The following INPP4A variants were observed in gnomAD, a reference collection of about 807,000 sequenced individuals.
The protein encoded by INPP4A is inositol polyphosphate-4-phosphatase, type I, 107kD.
INPP4A carries 33 observed loss-of-function variants against 119.8 expected under a neutral mutation model. That is an observed-to-expected ratio of 0.28 (90% CI 0.21 to 0.37). The LOEUF (loss-of-function observed/expected upper bound fraction) is 0.37, where lower values mean the gene tolerates loss of function less well. INPP4A is among the 10% of genes least tolerant of loss of function. INPP4A has a pLI of 1.00. For missense variants in INPP4A, 956 were observed against 1,289.9 expected, an observed-to-expected ratio of 0.74 and a Z score of 3.97; for synonymous variants, 496 against 500.7, an observed-to-expected ratio of 0.99 and a Z score of 0.12.
intron 10 of INPP4A, among the ~76,000 whole-genome samples, chr2:98,540,779 GCAGAGC>G (rs1691278866): frequency 1.3e-5 from 2 of 152,154 alleles, no homozygotes. Context: ...ATTCATGAGG[GCAGAGC>G]CCTCATGACC....
chr2:98,543,933 G>C lies in INPP4A; in HGVS notation c.875G>C (p.Arg292Pro). ...TCCCCTTGCTGGGAGAGCCTCCGGC[G>C]CCAAATTGTCACCCAGTACCAGACC... is the stretch of plus-strand genomic sequence containing the variant. ...ELSPCWESLR[R>P]QIVTQYQTII... Residue 292 changes from arginine to proline, a missense_variant, in exon 11 of 25, where the codon CGC (arginine) becomes CCC (proline). Arg to Pro is a moderately radical substitution (Grantham distance 103). Around this residue, in one of 2 missense-constraint regions of INPP4A, gnomAD observed 652 missense variants for 797.9 expected, o/e 0.82. Transcript: ENST00000409851. The C allele has an allele frequency of 6.2e-7, 1 of 1,608,320 alleles. No homozygotes were observed. Among genetic ancestry groups the C allele is most frequent in the Non-Finnish European group, 8.5e-7 (1 of 1,177,168 alleles).
chr2:98,535,959 A>G, intron 6 of INPP4A, 114 bp downstream of exon 6: 2 of 708,474 alleles, frequency 2.8e-6, no homozygotes, highest in Non-Finnish European at 5.0e-6. Flanking sequence ...AAGTTAACTC[A>G]TGTCTAAATG....
chr2:98,517,954 C>G (rs997104287), intron 1 of INPP4A, among the ~76,000 whole-genome samples: 2 of 152,164 alleles, frequency 1.3e-5, no homozygotes, highest in Non-Finnish European at 2.9e-5. Flanking sequence ...AAACAAAACT[C>G]TTTTGGAGGA....
chr2:98,588,200 G>C lies in INPP4A; in HGVS notation c.*592G>C, dbSNP rs1035368106. 4.7e-6 allele frequency: 1 copy of C among 210,906 alleles called. No homozygotes were observed. Among genetic ancestry groups the C allele is most frequent in the Non-Finnish European group, 9.6e-6 (1 of 104,116 alleles). 13.1% of individuals were successfully genotyped at this position (210,906 alleles called of 1,614,324 possible). On this transcript the variant is annotated 3_prime_UTR_variant, in exon 25 of 25. Coordinates refer to ENST00000409851, the MANE Select transcript of INPP4A (RefSeq NM_001134225.2). Reference sequence around the variant, plus strand: ...AAGAAAGATTGATAAATCAACGGGAGATAAGACTTTATTAGAAGGTAACAC... The same window carrying C: ...AAGAAAGATTGATAAATCAACGGGACATAAGACTTTATTAGAAGGTAACAC...
intron 1 of INPP4A, among the ~76,000 whole-genome samples, chr2:98,445,625 G>C (rs1461787425): frequency 6.6e-6 from 1 of 152,194 alleles, no homozygotes; most frequent in Non-Finnish European, 1.5e-5. Flanking sequence ...AAATGTGCAG[G>C]GATCTGTGGC....
Position 98,587,578 on chromosome 2 carries a change from C to T in INPP4A, c.2889C>T (p.Pro963=), listed in dbSNP as rs768083744. 2.2e-5 allele frequency: 35 copies of T among 1,600,192 alleles called. No homozygotes were observed. The highest frequency in any genetic ancestry group is 1.2e-4 in the Admixed American group (7 of 56,068). The change falls in exon 25 of 25, where the codon CCC becomes CCT. Residue 963 remains proline (P), a synonymous_variant. Transcript: ENST00000409851. ...LKAFPKHYRP[P]EGTYGKVET ...CTTTCCCCAAGCATTACAGGCCTCC[C>T]GAAGGGACTTACGGAAAAGTTGAAA...
intron 1 of INPP4A, among the ~76,000 whole-genome samples, chr2:98,449,474 C>A (rs1193154233): frequency 6.6e-6 from 1 of 152,194 alleles, no homozygotes; most frequent in Non-Finnish European, 1.5e-5. Flanking sequence ...TCCCTTCAGT[C>A]TGGCTTTTGT....
chr2:98,515,871 A>AGGGACATCATGGGAAGTGGGAT (rs1245976688), intron 1 of INPP4A, among the ~76,000 whole-genome samples: 2 of 152,166 alleles, frequency 1.3e-5, no homozygotes, highest in Non-Finnish European at 2.9e-5. Context: ...CATGGCTGGA[A>AGGGACATCATGGGAAGTGGGAT]GGGACATCAT....
chr2:98,527,998 A>G (rs1559009809), intron 4 of INPP4A, among the ~76,000 whole-genome samples: 1 of 152,242 alleles, frequency 6.6e-6, no homozygotes, highest in Non-Finnish European at 1.5e-5. Flanking sequence ...TGCAAAAAAG[A>G]AAGTATGGCT....
At position 98,539,521 on chromosome 2, in the gene INPP4A, A is replaced by C. The variant is rs1334638126; in HGVS notation, c.671-7A>C. Reference sequence around the variant, plus strand: ...TGCAGCCTGTCTCCCTTGTCATCCCACCTCAGTGTTCGGTGGTGCCATCTG... The same window carrying C: ...TGCAGCCTGTCTCCCTTGTCATCCCCCCTCAGTGTTCGGTGGTGCCATCTG... On this transcript the variant is annotated splice_region_variant and splice_polypyrimidine_tract_variant and intron_variant, in intron 9 of 24. Transcript: ENST00000409851. 6.2e-7 allele frequency: 1 copy of C among 1,601,090 alleles called. No homozygotes were observed. The highest frequency in any genetic ancestry group is 1.1e-5 in the South Asian group (1 of 90,046).
At chr2:98,518,494 C>CCAG (rs1229581253) in intron 1 of INPP4A, among the ~76,000 whole-genome samples, 1 of 152,212 alleles carries the variant, frequency 6.6e-6, no homozygotes, top group East Asian at 1.9e-4. Context: ...GCCTGGGGGC[C>CCAG]CAGCAGCAGC....
chr2:98,478,107 T>A (rs1206367508), intron 1 of INPP4A, among the ~76,000 whole-genome samples: 1 of 152,248 alleles, frequency 6.6e-6, no homozygotes, highest in Non-Finnish European at 1.5e-5. Flanking sequence ...TAAAATAGGA[T>A]GTGCTATTTT....
At chr2:98,459,647 C>G (rs1224675824) in intron 1 of INPP4A, among the ~76,000 whole-genome samples, 1 of 152,222 alleles carries the variant, frequency 6.6e-6, no homozygotes, top group East Asian at 1.9e-4. Flanking sequence ...CATCATGGAT[C>G]TGGGCTGTCA....
chr2:98,471,831 G>A (rs927181644), intron 1 of INPP4A, among the ~76,000 whole-genome samples: 32 of 152,350 alleles, frequency 2.1e-4, no homozygotes, highest in African/African-American at 5.3e-4. Context: ...GTTCGGGACT[G>A]TAGCTCTGAA....
intron 1 of INPP4A, among the ~76,000 whole-genome samples, chr2:98,455,182 T>C (rs955622173): frequency 6.6e-6 from 1 of 151,720 alleles, no homozygotes; most frequent in Non-Finnish European, 1.5e-5. Flanking sequence ...TACTAAAAAT[T>C]AAAAAATTAG....
At chr2:98,555,523 T>C (rs913270150) in intron 15 of INPP4A, 30 bp from the exon 16 acceptor site, 6 of 1,567,178 alleles carry the variant, frequency 3.8e-6, no homozygotes, top group Non-Finnish European at 5.2e-6. Context: ...TCGGGAGAGC[T>C]GACCCACATG....
At chr2:98,502,964 T>G (rs1487418735) in intron 1 of INPP4A, among the ~76,000 whole-genome samples, 2 of 152,202 alleles carry the variant, frequency 1.3e-5, no homozygotes, top group African/African-American at 2.4e-5. Flanking sequence ...GATAGGGAGT[T>G]TGGACGGACT....
At chr2:98,487,407 A>AT (rs940879773) in intron 1 of INPP4A, among the ~76,000 whole-genome samples, 8 of 151,744 alleles carry the variant, frequency 5.3e-5, no homozygotes, top group East Asian at 1.9e-4. Flanking sequence ...TTATTTATTT[A>AT]TTTTTTTTGA....
chr2:98,590,644 T>C lies in INPP4A; in HGVS notation c.*3036T>C, dbSNP rs913471290. 10 of 209,996 alleles carry C rather than the reference T, an allele frequency of 4.8e-5. No homozygotes were observed. The highest frequency in any genetic ancestry group is 1.9e-5 in the Non-Finnish European group (2 of 103,562). The allele number at this position is 209,996 out of a possible 1,614,324, so 13.0% of individuals were successfully genotyped here. On this transcript the variant is annotated 3_prime_UTR_variant, in exon 25 of 25. Coordinates refer to ENST00000409851, the MANE Select transcript of INPP4A (RefSeq NM_001134225.2). ...ACTTGTCAAAATGCAGTTCCACTTG[T>C]ATTAATATTGACCCTGTTCATCGTC...
Sources: gnomAD v4.1 joint callset for allele counts (sites outside exome capture counted in the v4.1 genomes callset) on GRCh38, gnomAD v4.1.1 for gene constraint, gnomAD v4.1.1 regional missense constraint, MANE v1.5 for transcripts, NCBI Gene and HGNC (gene_info 2026-07-23, HGNC 2026-07-21) for gene names.